Variants in SYP observed in about 807,000 individuals in gnomAD.
SYP encodes synaptophysin.
A neutral mutation model predicts 24.3 loss-of-function variants in SYP; 2 were observed. The ratio of observed to expected loss-of-function variants is 0.08; its 90% CI spans 0.03 to 0.26. The LOEUF (loss-of-function observed/expected upper bound fraction) is 0.26. Ranked by LOEUF, SYP falls within the 10% of genes least tolerant of loss-of-function variation. The probability of loss-of-function intolerance (pLI) is 1.00; values close to 1 mark genes in which losing one functional copy is unlikely to be tolerated. For missense variants in SYP, 216 were observed against 266.3 expected, an observed-to-expected ratio of 0.81 and a Z score of 1.32; for synonymous variants, 143 against 123.2, an observed-to-expected ratio of 1.16 and a Z score of -1.07.
Position 49,188,674 on chromosome X carries a change from G to C in SYP, c.*613C>G, listed in dbSNP as rs992108454. On this transcript the variant is annotated 3_prime_UTR_variant, in exon 7 of 7. Coordinates refer to ENST00000263233, the MANE Select transcript of SYP (RefSeq NM_003179.3). The stretch of plus-strand genomic sequence containing the variant: ...AAGCCCCACCCCAGAATGCTCTAGC[G>C]CACTCCTCTCCTTCAGACTCCAGAT... 1 of 109,478 alleles carries C rather than the reference G, an allele frequency of 9.1e-6. No homozygotes were observed. The highest frequency in any genetic ancestry group is 1.9e-5 in the Non-Finnish European group (1 of 52,610). 9.0% of individuals were successfully genotyped at this position (109,478 alleles called of 1,213,427 possible).
At position 49,187,927 on chromosome X, in the gene SYP, GAGA is replaced by G. The variant is rs1465806298; in HGVS notation, c.*1357_*1359del. The stretch of plus-strand genomic sequence containing the variant: ...TGGGAAAGGGTAGGGGTCTGGAGGG[GAGA>G]AGGAGGGGCCACAGCCAGACAAAAT... On this transcript the variant is annotated 3_prime_UTR_variant, in exon 7 of 7. Coordinates refer to ENST00000263233, the MANE Select transcript of SYP (RefSeq NM_003179.3). 1.8e-5 allele frequency: 2 copies of G among 111,379 alleles called. No homozygotes were observed. Among genetic ancestry groups the G allele is most frequent in the Admixed American group, 1.9e-4 (2 of 10,520 alleles). The allele number at this position is 111,379 out of a possible 1,213,427, so 9.2% of individuals were successfully genotyped here.
At chrX:49,194,666 T>C (rs1390395010) in intron 3 of SYP, among the ~76,000 whole-genome samples, 3 of 109,112 alleles carry the variant, frequency 2.7e-5, no homozygotes, top group African/African-American at 1.0e-4. Context: ...CAGGAATGCT[T>C]TTCCCCTAGA....
Position 49,188,458 on chromosome X carries a change from T to C in SYP, c.*829A>G. The C allele has an allele frequency of 9.0e-6, 1 of 110,973 alleles. No individual in the cohort carries two copies. Among genetic ancestry groups the C allele is most frequent in the Non-Finnish European group, 1.9e-5 (1 of 52,963 alleles). 9.1% of individuals were successfully genotyped at this position (110,973 alleles called of 1,213,427 possible). ...CTGTCTGGAACCCTGGCTTGGCCCA[T>C]TCCTGAATCCCACTTCTTGCCTTGC... On this transcript the variant is annotated 3_prime_UTR_variant, in exon 7 of 7. Coordinates refer to ENST00000263233, the MANE Select transcript of SYP (RefSeq NM_003179.3).
At chrX:49,191,222 T>C in intron 6 of SYP, 1 of 473,799 alleles carries the variant, frequency 2.1e-6, no homozygotes, top group Non-Finnish European at 3.7e-6. Flanking sequence ...CTGTCCATCT[T>C]GAAGCACCAT....
intron 5 of SYP, 73 bp downstream of exon 5, chrX:49,193,199 C>T: frequency 3.6e-6 from 4 of 1,122,424 alleles, no homozygotes; most frequent in Non-Finnish European, 3.6e-6. Context: ...TCTTATTCTC[C>T]CACTCCACCA....
At position 49,193,321 on chromosome X, in the gene SYP, G is replaced by C; in HGVS notation, c.566C>G (p.Thr189Arg). 1 of 1,212,151 alleles carries C rather than the reference G, an allele frequency of 8.2e-7. No homozygotes were observed. Among genetic ancestry groups the C allele is most frequent in the African/African-American group, 1.7e-5 (1 of 57,968 alleles). ...EMPVCRQTGN[T>R]CKELRDPVTS... ...CACAGGGTCTCTCAGCTCCTTGCAT[G>C]TGTTCCCTGTCTGGCGGCAGACAGG... The change falls in exon 5 of 7, where the codon ACA (threonine) becomes AGA (arginine). Residue 189 changes from threonine to arginine, a missense_variant. Thr to Arg is a moderately conservative substitution (Grantham distance 71). Coordinates refer to ENST00000263233, the MANE Select transcript of SYP (RefSeq NM_003179.3).
In SYP at chrX:49,197,911, C is replaced by T; in HGVS notation, c.103-72G>A. The T allele has an allele frequency of 2.5e-6, 3 of 1,185,235 alleles. No individual in the cohort carries two copies. The East Asian group carries it at 9.1e-5, about 36-fold the overall frequency. On this transcript the variant is annotated intron_variant, in intron 2 of 6. Coordinates refer to ENST00000263233, the MANE Select transcript of SYP (RefSeq NM_003179.3). ...TGGGAGGGAGGTGCCCTCCTCTGGA[C>T]AGATCGGGGGCCCAGCACAGGCAGC...
At chrX:49,196,353 C>T (rs950989492) in intron 3 of SYP, among the ~76,000 whole-genome samples, 2 of 111,753 alleles carry the variant, frequency 1.8e-5, no homozygotes, top group African/African-American at 6.5e-5. Context: ...AGGTTTTCTT[C>T]TACTTTCACT....
At chrX:49,189,753 G>A (rs925334472) in intron 6 of SYP, among the ~76,000 whole-genome samples, 1 of 111,274 alleles carries the variant, frequency 9.0e-6, no homozygotes, top group Non-Finnish European at 1.9e-5. Flanking sequence ...AGGATCACCT[G>A]AGCCCAGGAG....
chrX:49,198,002 T>C, intron 2 of SYP, 163 bp from the exon 3 acceptor site: 1 of 619,858 alleles, frequency 1.6e-6, no homozygotes, highest in East Asian at 3.6e-5. Context: ...GACAAGCTGA[T>C]TACAAGGGTA....
At chrX:49,195,842 G>A (rs1388831616) in intron 3 of SYP, among the ~76,000 whole-genome samples, 1 of 112,184 alleles carries the variant, frequency 8.9e-6, no homozygotes, top group African/African-American at 3.2e-5. Context: ...TCTAAAGAAG[G>A]CATTATTAGA....
At chrX:49,193,206 A>C in intron 5 of SYP, 66 bp downstream of exon 5, 2 of 1,150,430 alleles carry the variant, frequency 1.7e-6, no homozygotes, top group Non-Finnish European at 2.4e-6. Flanking sequence ...CTCCCACTCC[A>C]CCACTCCCCA....
Position 49,194,199 on chromosome X carries a change from G to A in SYP, c.390C>T (p.Asn130=). ...GALATYIFLQ[N]KYRENNKGPM... ...GCCCTTTGTTATTCTCTCGGTACTT[G>A]TTCTGCAGGAAGATGTAGGTGGCCA... The change falls in exon 4 of 7, where the codon AAC becomes AAT. Residue 130 remains asparagine (N), a synonymous_variant. Coordinates refer to ENST00000263233, the MANE Select transcript of SYP (RefSeq NM_003179.3). 8.3e-7 allele frequency: 1 copy of A among 1,211,760 alleles called. No homozygotes were observed. The highest frequency in any genetic ancestry group is 1.1e-6 in the Non-Finnish European group (1 of 895,541).
intron 6 of SYP, among the ~76,000 whole-genome samples, chrX:49,189,985 C>T (rs886796015): frequency 4.5e-5 from 5 of 110,795 alleles, no homozygotes; most frequent in African/African-American, 9.9e-5. Context: ...GAAGGTAGGA[C>T]CCACAGGATT....
At chrX:49,193,165 C>T in intron 5 of SYP, 107 bp downstream of exon 5, 1 of 949,308 alleles carries the variant, frequency 1.1e-6, no homozygotes, top group Non-Finnish European at 1.5e-6. Flanking sequence ...TCAGGGACAC[C>T]CCTTGGATCT....
intron 2 of SYP, 132 bp downstream of exon 2, chrX:49,198,836 C>G (rs1213344479): frequency 6.8e-6 from 5 of 736,590 alleles, no homozygotes; most frequent in Non-Finnish European, 1.0e-5. Flanking sequence ...CACCCTGGAG[C>G]CCAATTCCCC....
intron 1 of SYP, 180 bp from the exon 2 acceptor site, chrX:49,199,213 T>A (rs1172712692): frequency 6.3e-6 from 3 of 475,732 alleles, no homozygotes; most frequent in African/African-American, 4.8e-5. Flanking sequence ...GGTGGGAAGG[T>A]CTGAAGAGAT....
intron 1 of SYP, among the ~76,000 whole-genome samples, chrX:49,199,708 G>A (rs979565180): frequency 1.8e-5 from 2 of 108,607 alleles, no homozygotes; most frequent in Admixed American, 9.7e-5. Flanking sequence ...AGGGGTGGTC[G>A]CCTATGGGGG....
chrX:49,197,638 GC>G lies in SYP; in HGVS notation c.227+76del, dbSNP rs782002281. The stretch of plus-strand genomic sequence containing the variant: ...GGTGGGAGCTGGGCAGGAGCTACTT[GC>G]GGGGGGAGGTATTGGCCGGTTCCAC... On this transcript the variant is annotated intron_variant, in intron 3 of 6. Coordinates refer to ENST00000263233, the MANE Select transcript of SYP (RefSeq NM_003179.3). The G allele has an allele frequency of 2.6e-6, 3 of 1,154,931 alleles. No homozygotes were observed. In the African/African-American group the frequency reaches 5.4e-5, roughly 21 times the overall value.
Sources: allele counts gnomAD v4.1 joint callset (sites outside exome capture counted in the v4.1 genomes callset), GRCh38; gene constraint gnomAD v4.1.1; transcripts MANE v1.5; gene names NCBI Gene and HGNC (gene_info 2026-07-23, HGNC 2026-07-21).